Variants in C3orf70 observed in about 807,000 individuals in gnomAD.
C3orf70 encodes chromosome 3 open reading frame 70.
C3orf70 carries 15 observed loss-of-function variants against 20.7 expected under a neutral mutation model. The observed-to-expected ratio is 0.72, with a 90% CI of 0.48 to 1.11. The LOEUF is 1.11. Among genes scored for constraint, C3orf70 ranks in the 50% most tolerant of loss-of-function variants. C3orf70 has a pLI of 0.00. For missense variants in C3orf70, 332 were observed against 317.6 expected (o/e 1.05, Z -0.34); for synonymous variants, 161 against 125.7 (o/e 1.28, Z -1.88).
At chr3:185,149,947 T>C (rs1422819713) in intron 1 of C3orf70, among the ~76,000 whole-genome samples, 1 of 152,216 alleles carries the variant, frequency 6.6e-6, no homozygotes, top group Non-Finnish European at 1.5e-5. Flanking sequence ...TTTCTAACCA[T>C]TTAGAAAAGA....
intron 1 of C3orf70, among the ~76,000 whole-genome samples, chr3:185,150,368 A>T (rs1003205712): frequency 6.6e-6 from 1 of 152,222 alleles, no homozygotes; most frequent in Non-Finnish European, 1.5e-5. Flanking sequence ...TGAACCTAGG[A>T]CAAACAGCTT....
At chr3:185,099,337 C>T (rs1715776444) in intron 1 of C3orf70, among the ~76,000 whole-genome samples, 1 of 152,162 alleles carries the variant, frequency 6.6e-6, no homozygotes, top group Non-Finnish European at 1.5e-5. Flanking sequence ...GGTCAGGTCA[C>T]TTACAAAGGG....
intron 1 of C3orf70, among the ~76,000 whole-genome samples, chr3:185,149,061 A>C (rs1308181801): frequency 1.3e-5 from 2 of 152,172 alleles, no homozygotes; most frequent in Non-Finnish European, 2.9e-5. Context: ...TAGTTTTCTC[A>C]CTTCTATCAT....
rs1715590065 is a variant in C3orf70, at chr3:185,091,938, TA to T, written c.197-8376del. On this transcript the variant is annotated intron_variant, in intron 1 of 1. Coordinates refer to ENST00000335012, the MANE Select transcript of C3orf70 (RefSeq NM_001025266.3). ...ATATATATATATATATATATATATA[TA>T]TATATATATATATATATATATATAT... Among the ~76,000 whole-genome samples, 7 of 4,708 alleles carry T rather than the reference TA, an allele frequency of 1.5e-3. 2 individuals carry two copies. Among genetic ancestry groups the T allele is most frequent in the African/African-American group, 7.3e-3 (7 of 964 alleles). The allele number at this position is 4,708 out of a possible 152,430, so 3.1% of individuals were successfully genotyped here. A position where few individuals can be genotyped will look rare whatever the true frequency, so the allele number is the denominator to read the frequency against.
Position 185,133,891 on chromosome 3 carries a change from C to T in C3orf70, c.196+18737G>A, listed in dbSNP as rs141357262. On this transcript the variant is annotated intron_variant, in intron 1 of 1. Coordinates refer to ENST00000335012, the MANE Select transcript of C3orf70 (RefSeq NM_001025266.3). ...ATCACTTGAGCTCAGGAGTTCAAGACCATTCTGGGCAACATGGTGAAATCC... is the reference window on the plus strand; with the variant it reads ...ATCACTTGAGCTCAGGAGTTCAAGATCATTCTGGGCAACATGGTGAAATCC... Among the ~76,000 whole-genome samples, 25 of 152,250 alleles carry T rather than the reference C, an allele frequency of 1.6e-4. No homozygotes were observed. The East Asian group carries it at 4.1e-3, about 25-fold the overall frequency.
At chr3:185,113,574 AT>A (rs1716120039) in intron 1 of C3orf70, among the ~76,000 whole-genome samples, 4 of 152,220 alleles carry the variant, frequency 2.6e-5, no homozygotes, top group Non-Finnish European at 5.9e-5. Context: ...TAGTAAAAGC[AT>A]TTCTTGAAAT....
In C3orf70 at chr3:185,079,761, G is replaced by C. The variant is rs1715291616; in HGVS notation, c.*3246C>G. The C allele has an allele frequency of 6.6e-6, 1 of 152,630 alleles. No homozygotes were observed. The highest frequency in any genetic ancestry group is 2.1e-4 in the South Asian group (1 of 4,832). 9.5% of individuals were successfully genotyped at this position (152,630 alleles called of 1,614,324 possible). On this transcript the variant is annotated 3_prime_UTR_variant, in exon 2 of 2. Coordinates refer to ENST00000335012, the MANE Select transcript of C3orf70 (RefSeq NM_001025266.3). ...GTTTCCATGTAAACCCAAGAAAGCA[G>C]TTTATCCATCCACACAGCCCAACCC...
intron 1 of C3orf70, among the ~76,000 whole-genome samples, chr3:185,144,715 G>A (rs964992553): frequency 4.1e-5 from 2 of 49,072 alleles, no homozygotes; most frequent in Admixed American, 1.6e-4. Context: ...CAGGTGATCC[G>A]CCTGCCTTGG....
intron 1 of C3orf70, among the ~76,000 whole-genome samples, chr3:185,096,493 G>A (rs977938259): frequency 3.3e-5 from 5 of 152,170 alleles, no homozygotes; most frequent in Admixed American, 1.3e-4. Flanking sequence ...TGTGCTAGCT[G>A]TCAATTCACT....
intron 1 of C3orf70, among the ~76,000 whole-genome samples, chr3:185,093,352 A>G (rs1184963063): frequency 6.6e-6 from 1 of 152,242 alleles, no homozygotes; most frequent in Admixed American, 6.5e-5. Flanking sequence ...AAAATAGAGA[A>G]GCTGTTTGCC....
intron 1 of C3orf70, among the ~76,000 whole-genome samples, chr3:185,098,064 G>A (rs955066971): frequency 3.9e-5 from 6 of 152,132 alleles, no homozygotes; most frequent in Admixed American, 3.9e-4. Context: ...GGTACCACCA[G>A]CACAAACATA....
intron 1 of C3orf70, among the ~76,000 whole-genome samples, chr3:185,084,908 C>T (rs1427911680): frequency 6.6e-6 from 1 of 152,164 alleles, no homozygotes. Context: ...CTAATTTAGC[C>T]AATTTATCGG....
At position 185,079,923 on chromosome 3, in the gene C3orf70, T is replaced by C. The variant is rs2377257; in HGVS notation, c.*3084A>G. 0.89 allele frequency: 135,961 copies of C among 152,730 alleles called. 60,792 individuals are homozygous for C. The highest frequency in any genetic ancestry group is 0.94 in the Non-Finnish European group (63,711 of 68,038). 9.5% of individuals were successfully genotyped at this position (152,730 alleles called of 1,614,324 possible). On this transcript the variant is annotated 3_prime_UTR_variant, in exon 2 of 2. Transcript: ENST00000335012. ...TGCAGTCTAAACATTTTCTAAAGTG[T>C]CTGTAAGTACACAAATTAGCAACAT...
At chr3:185,144,867 G>C (rs1245831099) in intron 1 of C3orf70, among the ~76,000 whole-genome samples, 8 of 152,204 alleles carry the variant, frequency 5.3e-5, no homozygotes, top group Non-Finnish European at 1.2e-4. Context: ...AAGTGGTCCT[G>C]AGTAACTGGG....
chr3:185,094,963 G>A (rs1470434779), intron 1 of C3orf70, among the ~76,000 whole-genome samples: 2 of 152,204 alleles, frequency 1.3e-5, no homozygotes, highest in Non-Finnish European at 2.9e-5. Flanking sequence ...GCACTCTGCA[G>A]TGTAGGAAAA....
rs955483959 is a variant in C3orf70, at chr3:185,076,906, T to C, written c.*6101A>G. Among the ~76,000 whole-genome samples the C allele has an allele frequency of 7.2e-5, 11 of 152,200 alleles. No individual in the cohort carries two copies. Among genetic ancestry groups the C allele is most frequent in the African/African-American group, 2.7e-4 (11 of 41,442 alleles). ...AGTCAGCATTTGTAAGAGGCTACAATGAGATGCCTTCTAGGACTTGGCAAT... is the reference window on the plus strand; with the variant it reads ...AGTCAGCATTTGTAAGAGGCTACAACGAGATGCCTTCTAGGACTTGGCAAT... On this transcript the variant is annotated 3_prime_UTR_variant, in exon 2 of 2. Transcript: ENST00000335012.
At chr3:185,106,346 T>C (rs1715939382) in intron 1 of C3orf70, among the ~76,000 whole-genome samples, 1 of 152,222 alleles carries the variant, frequency 6.6e-6, no homozygotes, top group South Asian at 2.1e-4. Context: ...ATAAGGCTAC[T>C]CTGCTAGCAC....
chr3:185,128,832 A>G (rs1716467239), intron 1 of C3orf70, among the ~76,000 whole-genome samples: 1 of 152,208 alleles, frequency 6.6e-6, no homozygotes, highest in Non-Finnish European at 1.5e-5. Context: ...TTGAAAAACT[A>G]TGAAACAGAC....
chr3:185,139,156 G>GAAGGAGGAGGAGGGAGGAGGAGCAGA (rs780591928), intron 1 of C3orf70, among the ~76,000 whole-genome samples: 1 of 149,420 alleles, frequency 6.7e-6, no homozygotes, highest in East Asian at 2.0e-4. Context: ...GGAGGAGGAG[G>GAAGGAGGAGGAGGGAGGAGGAGCAGA]AAGGAGGAGC....
Sources: gnomAD v4.1 joint callset for allele counts (sites outside exome capture counted in the v4.1 genomes callset) on GRCh38, gnomAD v4.1.1 for gene constraint, MANE v1.5 for transcripts, NCBI Gene and HGNC (gene_info 2026-07-23, HGNC 2026-07-21) for gene names.